Variants in SCN3A observed in about 807,000 individuals in gnomAD.
SCN3A encodes sodium channel protein type 3 subunit alpha.
Under a neutral mutation model 187.6 loss-of-function variants are expected in SCN3A, and 60 were observed. The observed-to-expected ratio is 0.32, with a 90% CI of 0.26 to 0.40. SCN3A has a LOEUF of 0.40. Among genes scored for constraint, SCN3A ranks in the 10% least tolerant of loss-of-function variants. The pLI, the probability that SCN3A is intolerant of heterozygous loss-of-function variation, is 1.00. For missense variants in SCN3A, 1,601 were observed against 2,428.2 expected, an observed-to-expected ratio of 0.66 and a Z score of 7.16; for synonymous variants, 788 against 829.2, an observed-to-expected ratio of 0.95 and a Z score of 0.85.
chr2:165,148,964 A>G (rs538298036), intron 11 of SCN3A, among the ~76,000 whole-genome samples: 1 of 152,312 alleles, frequency 6.6e-6, no homozygotes, highest in East Asian at 1.9e-4. Context: ...TATGAGGTAC[A>G]TAATATACAC....
At chr2:165,124,235 T>C (rs1330647132) in intron 18 of SCN3A, among the ~76,000 whole-genome samples, 1 of 152,094 alleles carries the variant, frequency 6.6e-6, no homozygotes, top group Non-Finnish European at 1.5e-5. Flanking sequence ...ATTTATATCT[T>C]GTTACTCTAA....
rs2304710 is a variant in SCN3A, at chr2:165,163,785, C to T, written c.603-76G>A. On this transcript the variant is annotated intron_variant, in intron 6 of 27. Transcript: ENST00000283254. ...GAGATATAAGGGGCCTACTACCTTA[C>T]ACCAGTTTCTTCTTACCTGGAATTA... 247,478 of 1,612,810 alleles carry T rather than the reference C, an allele frequency of 0.15. 26,557 individuals carry two copies. Among genetic ancestry groups the T allele is most frequent in the East Asian group, 0.49 (21,869 of 44,814 alleles).
intron 18 of SCN3A, among the ~76,000 whole-genome samples, chr2:165,121,579 A>G (rs1559200934): frequency 5.3e-5 from 8 of 152,012 alleles, no homozygotes. Context: ...TTTATTTCTC[A>G]TTTTTTTTGC....
rs1685263561 is a variant in SCN3A, at chr2:165,094,509, T to G, written c.4432-31A>C. On this transcript the variant is annotated intron_variant, in intron 25 of 27. Transcript: ENST00000283254. The stretch of plus-strand genomic sequence containing the variant: ...GACATAGTATAAAACTGGTTACAAT[T>G]CTGTGTTCCAATAGTACTTTCACAA... 2.1e-6 allele frequency: 3 copies of G among 1,433,120 alleles called. No individual in the cohort carries two copies. In the East Asian group the frequency reaches 6.8e-5, roughly 33 times the overall value. 88.8% of individuals were successfully genotyped at this position (1,433,120 alleles called of 1,614,324 possible).
At chr2:165,115,027 A>AT (rs1686291576) in intron 19 of SCN3A, among the ~76,000 whole-genome samples, 1 of 152,088 alleles carries the variant, frequency 6.6e-6, no homozygotes, top group Non-Finnish European at 1.5e-5. Flanking sequence ...TTCACTATTT[A>AT]TTTTAAATAT....
At chr2:165,148,220 A>G (rs1574223931) in intron 11 of SCN3A, among the ~76,000 whole-genome samples, 1 of 151,592 alleles carries the variant, frequency 6.6e-6, no homozygotes, top group African/African-American at 2.4e-5. Context: ...GGGGTGGGGG[A>G]AGAACAAGAC....
chr2:165,117,171 C>A (rs1451607085), intron 18 of SCN3A, among the ~76,000 whole-genome samples: 1 of 151,908 alleles, frequency 6.6e-6, no homozygotes, highest in Non-Finnish European at 1.5e-5. Context: ...CTTTTTCTTC[C>A]AATTTCACTG....
At chr2:165,166,683 A>G (rs1574279217) in intron 5 of SCN3A, among the ~76,000 whole-genome samples, 1 of 152,012 alleles carries the variant, frequency 6.6e-6, no homozygotes, top group Non-Finnish European at 1.5e-5. Flanking sequence ...GTTTCACTGA[A>G]CCCAGGGTTT....
chr2:165,171,268 A>G (rs566560643), intron 3 of SCN3A, among the ~76,000 whole-genome samples: 1 of 151,940 alleles, frequency 6.6e-6, no homozygotes, highest in Non-Finnish European at 1.5e-5. Flanking sequence ...GGCCAATTCA[A>G]TTCAGTTGTC....
intron 26 of SCN3A, 196 bp downstream of exon 26, chr2:165,094,178 A>T (rs375543318): frequency 2.1e-5 from 13 of 625,046 alleles, no homozygotes; most frequent in South Asian, 5.8e-5. Context: ...AATTATAAAG[A>T]ACATTACCTC....
At chr2:165,132,482 C>G (rs1379467935) in intron 15 of SCN3A, among the ~76,000 whole-genome samples, 2 of 152,168 alleles carry the variant, frequency 1.3e-5, no homozygotes, top group Non-Finnish European at 1.5e-5. Flanking sequence ...TGCCACGTAT[C>G]TACAACTGTC....
chr2:165,121,132 AAAT>A (rs1686655266), intron 18 of SCN3A, among the ~76,000 whole-genome samples: 1 of 152,110 alleles, frequency 6.6e-6, no homozygotes, highest in Non-Finnish European at 1.5e-5. Context: ...GATGGGTTTA[AAAT>A]GGCTATTCAC....
chr2:165,098,607 A>T (rs1472799196), intron 22 of SCN3A, among the ~76,000 whole-genome samples: 1 of 152,134 alleles, frequency 6.6e-6, no homozygotes, highest in East Asian at 1.9e-4. Context: ...ATCACTAGAG[A>T]TAGAAACTAA....
chr2:165,200,805 C>T (rs1348129472), intron 1 of SCN3A, among the ~76,000 whole-genome samples: 4 of 152,036 alleles, frequency 2.6e-5, no homozygotes. Context: ...CCCAGTAGCA[C>T]ACAGCTGTCA....
chr2:165,128,225 A>C, intron 17 of SCN3A, 124 bp from the exon 18 acceptor site: 1 of 767,576 alleles, frequency 1.3e-6, no homozygotes, highest in South Asian at 1.9e-5. Context: ...AATGCTTACT[A>C]TATTTCAGAT....
chr2:165,190,578 A>G (rs1691533544), intron 1 of SCN3A, among the ~76,000 whole-genome samples: 1 of 144,892 alleles, frequency 6.9e-6, no homozygotes, highest in Admixed American at 6.8e-5. Context: ...CTATATTTAT[A>G]TAAAACTTTA....
At chr2:165,101,888 T>C (rs760735950) in intron 21 of SCN3A, among the ~76,000 whole-genome samples, 3 of 152,220 alleles carry the variant, frequency 2.0e-5, no homozygotes, top group Admixed American at 6.5e-5. Context: ...TAATTTAGCA[T>C]ACATTTTAAG....
intron 9 of SCN3A, among the ~76,000 whole-genome samples, chr2:165,161,153 T>TG (rs1689361947): frequency 2.0e-5 from 3 of 147,216 alleles, no homozygotes; most frequent in Admixed American, 6.7e-5. Context: ...TTTTTTTTTT[T>TG]TTTTTTTTTG....
Position 165,092,196 on chromosome 2 carries a change from G to A in SCN3A, c.4807+58C>T, listed in dbSNP as rs1436637266. The A allele has an allele frequency of 1.3e-6, 2 of 1,527,420 alleles. No individual in the cohort carries two copies. The highest frequency in any genetic ancestry group is 1.8e-6 in the Non-Finnish European group (2 of 1,101,808). The allele number at this position is 1,527,420 out of a possible 1,614,324, so 94.6% of individuals were successfully genotyped here. Reference sequence around the variant, plus strand: ...TAATTTCCATGTTAATCAGCTAGAAGGTCCTGGGGCAACTGTTTCTCTGTA... The same window carrying A: ...TAATTTCCATGTTAATCAGCTAGAAAGTCCTGGGGCAACTGTTTCTCTGTA... On this transcript the variant is annotated intron_variant, in intron 27 of 27. Transcript: ENST00000283254. The surrounding 1 kb of genome is among the most constrained non-coding windows in gnomAD (Gnocchi z 4.2).
Sources: allele counts gnomAD v4.1 joint callset (sites outside exome capture counted in the v4.1 genomes callset), GRCh38; gene constraint gnomAD v4.1.1; non-coding constraint Gnocchi (gnomAD v3.1); transcripts MANE v1.5; gene names NCBI Gene and HGNC (gene_info 2026-07-23, HGNC 2026-07-21).